Variants in KCNH8 observed in about 807,000 individuals in gnomAD.
KCNH8 encodes voltage-gated delayed rectifier potassium channel KCNH8.
Under a neutral mutation model 103.6 loss-of-function variants are expected in KCNH8, and 70 were observed. The ratio of observed to expected loss-of-function variants is 0.68; its 90% CI spans 0.56 to 0.82. The LOEUF (loss-of-function observed/expected upper bound fraction) is 0.82, where lower values mean the gene tolerates loss of function less well. KCNH8 is among the 40% of genes least tolerant of loss of function. The pLI is 0.00. For missense variants in KCNH8, 1,217 were observed against 1,329.9 expected (o/e 0.92, Z 1.32); for synonymous variants, 498 against 489.4 (o/e 1.02, Z -0.23).
At chr3:19,397,279 A>G (rs116053548) in intron 7 of KCNH8, among the ~76,000 whole-genome samples, 2,344 of 151,998 alleles carry the variant, frequency 0.015, 60 homozygotes, top group African/African-American at 0.052. Context: ...TAGTGGCAAG[A>G]AGAGCACTGG....
chr3:19,308,683 T>C (rs1285985732), intron 3 of KCNH8, among the ~76,000 whole-genome samples: 7 of 62,148 alleles, frequency 1.1e-4, no homozygotes, highest in African/African-American at 3.5e-4. Context: ...TCTCTCTCTC[T>C]CTCTCTCTCT....
chr3:19,366,256 A>C (rs912190406), intron 5 of KCNH8, among the ~76,000 whole-genome samples: 1 of 151,984 alleles, frequency 6.6e-6, no homozygotes, highest in Non-Finnish European at 1.5e-5. Context: ...ACTTATTCCT[A>C]TTTTTTCCTT....
At chr3:19,530,330 A>ATGTT (rs2069138118) in intron 15 of KCNH8, among the ~76,000 whole-genome samples, 1 of 152,162 alleles carries the variant, frequency 6.6e-6, no homozygotes, top group East Asian at 1.9e-4. Context: ...TAAATGATAA[A>ATGTT]TGTTTGAGAT....
At chr3:19,333,709 T>C (rs1372547) in intron 3 of KCNH8, among the ~76,000 whole-genome samples, 40,172 of 152,056 alleles carry the variant, frequency 0.26, 5,877 homozygotes, top group East Asian at 0.58. Flanking sequence ...ACAGAAACAA[T>C]TCAAAATTGT....
chr3:19,484,746 G>A (rs539359581), intron 11 of KCNH8, among the ~76,000 whole-genome samples: 1 of 152,182 alleles, frequency 6.6e-6, no homozygotes, highest in Non-Finnish European at 1.5e-5. Context: ...TGGAAAGAAA[G>A]GATGAACTGG....
intron 5 of KCNH8, among the ~76,000 whole-genome samples, chr3:19,374,966 G>T (rs963974168): frequency 6.6e-6 from 1 of 151,960 alleles, no homozygotes; most frequent in Non-Finnish European, 1.5e-5. Flanking sequence ...GGTTTCTGCC[G>T]AGAGATCCGC....
intron 5 of KCNH8, among the ~76,000 whole-genome samples, chr3:19,375,862 A>AGG (rs1559498665): frequency 1.3e-5 from 2 of 151,626 alleles, no homozygotes; most frequent in African/African-American, 2.4e-5. Context: ...GGAGTACCCT[A>AGG]CTGTGTGAGG....
chr3:19,254,513 A>G (rs2064322673), intron 2 of KCNH8, among the ~76,000 whole-genome samples: 1 of 152,078 alleles, frequency 6.6e-6, no homozygotes, highest in South Asian at 2.1e-4. Context: ...TTGTGGCTGC[A>G]GTTTTGTGAC....
chr3:19,384,965 G>A (rs1408925732), intron 5 of KCNH8, among the ~76,000 whole-genome samples: 1 of 152,144 alleles, frequency 6.6e-6, no homozygotes, highest in African/African-American at 2.4e-5. Context: ...TTTCTTCGAT[G>A]AGGCTTTTGT....
At chr3:19,434,509 GAGA>G (rs1018901988) in intron 7 of KCNH8, among the ~76,000 whole-genome samples, 10 of 152,266 alleles carry the variant, frequency 6.6e-5, no homozygotes, top group African/African-American at 2.4e-4. Context: ...GAAGGGGGTG[GAGA>G]AGCTCCCATG....
chr3:19,467,613 T>C (rs1323230675), intron 11 of KCNH8, among the ~76,000 whole-genome samples: 2 of 152,148 alleles, frequency 1.3e-5, no homozygotes, highest in Non-Finnish European at 2.9e-5. Flanking sequence ...ACGGGGGGCA[T>C]GGTGGGAGTA....
intron 1 of KCNH8, among the ~76,000 whole-genome samples, chr3:19,175,290 C>T (rs914071886): frequency 6.7e-6 from 1 of 149,350 alleles, no homozygotes; most frequent in Non-Finnish European, 1.5e-5. Context: ...GGCGCGATCT[C>T]GGCTCCCTGC....
intron 11 of KCNH8, among the ~76,000 whole-genome samples, chr3:19,499,257 A>G (rs2068520680): frequency 6.6e-6 from 1 of 152,162 alleles, no homozygotes; most frequent in Non-Finnish European, 1.5e-5. Context: ...ATAAAAAGAA[A>G]CGAGCAAAGC....
intron 7 of KCNH8, among the ~76,000 whole-genome samples, chr3:19,398,001 T>A (rs1286186183): frequency 6.6e-6 from 1 of 151,976 alleles, no homozygotes; most frequent in Non-Finnish European, 1.5e-5. Context: ...CCTTTTTGGG[T>A]CCAATTATCA....
intron 1 of KCNH8, among the ~76,000 whole-genome samples, chr3:19,198,166 A>G (rs1222683812): frequency 6.6e-6 from 1 of 152,128 alleles, no homozygotes; most frequent in Non-Finnish European, 1.5e-5. Flanking sequence ...ACAAATAACC[A>G]TTCCAATCTT....
intron 11 of KCNH8, among the ~76,000 whole-genome samples, chr3:19,465,851 A>G (rs1174038515): frequency 6.6e-6 from 1 of 152,192 alleles, no homozygotes; most frequent in Non-Finnish European, 1.5e-5. Flanking sequence ...AATTAGAATT[A>G]GAAGTGGAGC....
chr3:19,500,326 C>T (rs1330462368), intron 11 of KCNH8, among the ~76,000 whole-genome samples: 1 of 152,102 alleles, frequency 6.6e-6, no homozygotes, highest in Non-Finnish European at 1.5e-5. Context: ...GACTCCCACA[C>T]AGTAATAATG....
chr3:19,148,747 C>T lies in KCNH8; in HGVS notation c.28C>T (p.Pro10Ser), dbSNP rs1364301761. ...GCCGGTTATGAAAGGATTACTGGCG[C>T]CGCAAAACACCTTCCTGGACACCAT... MPVMKGLLA[P>S]QNTFLDTIAT... is the part of the protein sequence containing the mutation. The change falls in exon 1 of 16, where the codon CCG becomes TCG. Residue 10 changes from proline to serine, a missense_variant. Pro to Ser is a moderately conservative substitution (Grantham distance 74). Coordinates refer to ENST00000328405, the MANE Select transcript of KCNH8 (RefSeq NM_144633.3). The T allele has an allele frequency of 6.2e-7, 1 of 1,614,198 alleles. No homozygotes were observed.
intron 5 of KCNH8, among the ~76,000 whole-genome samples, chr3:19,377,081 G>A (rs1395053743): frequency 6.6e-6 from 1 of 152,218 alleles, no homozygotes; most frequent in Non-Finnish European, 1.5e-5. Context: ...AATCTAGAAT[G>A]TAAGTTGGAT....
Sources: gnomAD v4.1 joint callset for allele counts (sites outside exome capture counted in the v4.1 genomes callset) on GRCh38, gnomAD v4.1.1 for gene constraint, MANE v1.5 for transcripts, NCBI Gene and HGNC (gene_info 2026-07-23, HGNC 2026-07-21) for gene names.